RAD21: variants seen among roughly 807,000 people sequenced by gnomAD.
RAD21 encodes double-strand-break repair protein rad21 homolog.
Under a neutral mutation model 71.5 loss-of-function variants are expected in RAD21, and 18 were observed. The ratio of observed to expected loss-of-function variants is 0.25; its 90% CI spans 0.17 to 0.37. The LOEUF is 0.37. RAD21 is among the 10% of genes least tolerant of loss of function. RAD21 has a pLI of 1.00. For missense variants in RAD21, 493 were observed against 769.1 expected (o/e 0.64, Z 4.25); for synonymous variants, 248 against 254.0 (o/e 0.98, Z 0.22).
chr8:116,870,840 T>G (rs545605933), intron 1 of RAD21, among the ~76,000 whole-genome samples: 1 of 152,364 alleles, frequency 6.6e-6, no homozygotes, highest in South Asian at 2.1e-4. Flanking sequence ...AATTGGCATA[T>G]GTAAAAAATT....
chr8:116,867,644 T>C lies in RAD21; in HGVS notation c.-32-883A>G, dbSNP rs16889062. ...AATTTCCAGATTTAAAACAAATCTA[T>C]TGTTCTGATTTTTTTCTAAAATGTC... On this transcript the variant is annotated intron_variant, in intron 1 of 13. Transcript: ENST00000297338. 5.1e-4 allele frequency among the ~76,000 whole-genome samples: 77 copies of C among 152,350 alleles called. No homozygotes were observed. The East Asian group carries it at 0.01, about 21-fold the overall frequency.
intron 1 of RAD21, among the ~76,000 whole-genome samples, chr8:116,868,153 C>T (rs1403373972): frequency 2.6e-5 from 4 of 152,186 alleles, no homozygotes; most frequent in South Asian, 4.1e-4. Flanking sequence ...AGCAATCCTC[C>T]TCCCTCAGCC....
chr8:116,861,884 G>T lies in RAD21; in HGVS notation c.331C>A (p.Pro111Thr). 6.2e-7 allele frequency: 1 copy of T among 1,611,690 alleles called. No homozygotes were observed. The highest frequency in any genetic ancestry group is 8.5e-7 in the Non-Finnish European group (1 of 1,178,354). Residue 111 changes from proline (P) to threonine (T), a missense_variant, in exon 4 of 14, where the codon CCT (proline) becomes ACT (threonine). Coordinates refer to ENST00000297338, the MANE Select transcript of RAD21 (RefSeq NM_006265.3). The stretch of plus-strand genomic sequence containing the variant: ...TGATCAAAGTCATGAAATTCTTCAG[G>T]TAAAGTAATGGCATTATAAGCTGCT... ...REAAYNAITL[P>T]EEFHDFDQPL...
At chr8:116,871,013 G>A (rs532952993) in intron 1 of RAD21, among the ~76,000 whole-genome samples, 1 of 152,292 alleles carries the variant, frequency 6.6e-6, no homozygotes, top group East Asian at 1.9e-4. Context: ...ATGGGGCTAA[G>A]GAAGGCAGAG....
intron 10 of RAD21, 155 bp from the exon 11 acceptor site, chr8:116,852,251 A>G: frequency 1.3e-6 from 1 of 751,092 alleles, no homozygotes. Flanking sequence ...AGATTTACTC[A>G]ATTTTTAGCA....
intron 1 of RAD21, among the ~76,000 whole-genome samples, chr8:116,873,236 C>G (rs191663148): frequency 1.6e-4 from 24 of 151,868 alleles, no homozygotes; most frequent in Non-Finnish European, 3.1e-4. Flanking sequence ...AAATAATTCA[C>G]CAGAAATTCT....
Position 116,854,338 on chromosome 8 carries a change from G to A in RAD21, c.1068C>T (p.Pro356=), listed in dbSNP as rs1348606480. 6.2e-7 allele frequency: 1 copy of A among 1,613,690 alleles called. No homozygotes were observed. The highest frequency in any genetic ancestry group is 1.3e-5 in the African/African-American group (1 of 74,840). ...DIVTTLDLAP[P]TKKLMMWKET... ...CTTTCCACATCATCAATTTCTTGGT[G>A]GGCGGTGCCAGATCCAAAGTAGTAA... is the stretch of plus-strand genomic sequence containing the variant. Residue 356 remains proline (P), a synonymous_variant, in exon 9 of 14, where the codon CCC becomes CCT. Transcript: ENST00000297338.
At chr8:116,852,218 C>A in intron 10 of RAD21, 122 bp from the exon 11 acceptor site, 2 of 975,794 alleles carry the variant, frequency 2.0e-6, no homozygotes, top group South Asian at 2.2e-5. Flanking sequence ...TGAAGAAGGC[C>A]AGATAAAATT....
At position 116,845,975 on chromosome 8, in the gene RAD21, A is replaced by T. The variant is rs890396375; in HGVS notation, c.*1525T>A. 4.4e-6 allele frequency: 1 copy of T among 228,298 alleles called. No homozygotes were observed. The highest frequency in any genetic ancestry group is 8.7e-6 in the Non-Finnish European group (1 of 114,888). The allele number at this position is 228,298 out of a possible 1,614,324, so 14.1% of individuals were successfully genotyped here. A position where few individuals can be genotyped will look rare whatever the true frequency, so the allele number is the denominator to read the frequency against. On this transcript the variant is annotated 3_prime_UTR_variant, in exon 14 of 14. Transcript: ENST00000297338. ...ACTTTTATTAGAAAAGTTATACATA[A>T]CATAGCATCAACTATTTTCAAGAAC...
At chr8:116,873,338 G>A (rs1030984403) in intron 1 of RAD21, among the ~76,000 whole-genome samples, 1 of 152,128 alleles carries the variant, frequency 6.6e-6, no homozygotes, top group Non-Finnish European at 1.5e-5. Flanking sequence ...TAACTTATTT[G>A]AAGATCAGAT....
intron 1 of RAD21, among the ~76,000 whole-genome samples, chr8:116,873,427 C>G (rs1390584497): frequency 1.3e-5 from 2 of 152,170 alleles, no homozygotes; most frequent in Admixed American, 1.3e-4. Context: ...AATGACTTCA[C>G]GATTTGAGAA....
chr8:116,860,620 C>T (rs1300876432), intron 4 of RAD21, among the ~76,000 whole-genome samples: 1 of 151,760 alleles, frequency 6.6e-6, no homozygotes. Flanking sequence ...AAGCTCACTG[C>T]TTTTTTAAAC....
intron 10 of RAD21, 114 bp from the exon 11 acceptor site, chr8:116,852,210 A>T: frequency 4.9e-6 from 5 of 1,017,718 alleles, no homozygotes; most frequent in Non-Finnish European, 6.8e-6. Context: ...TTCTTTAATG[A>T]AGAAGGCCAG....
intron 1 of RAD21, among the ~76,000 whole-genome samples, chr8:116,870,321 G>T (rs1812792150): frequency 6.6e-6 from 1 of 152,098 alleles, no homozygotes; most frequent in Non-Finnish European, 1.5e-5. Flanking sequence ...GAGGGCAGGA[G>T]TTCCAGACCA....
chr8:116,863,717 C>G (rs192624492), intron 2 of RAD21, among the ~76,000 whole-genome samples: 1 of 152,010 alleles, frequency 6.6e-6, no homozygotes, highest in South Asian at 2.1e-4. Flanking sequence ...ATTTCCCCCC[C>G]AAAAGAACAA....
At chr8:116,862,951 G>C (rs1217496085) in intron 3 of RAD21, among the ~76,000 whole-genome samples, 179 bp downstream of exon 3, 2 of 152,064 alleles carry the variant, frequency 1.3e-5, no homozygotes, top group Non-Finnish European at 2.9e-5. Flanking sequence ...GACGCAAGTA[G>C]GTTTCCTCCC....
At chr8:116,851,721 TA>T in intron 11 of RAD21, 1 of 405,394 alleles carries the variant, frequency 2.5e-6, no homozygotes, top group Non-Finnish European at 4.4e-6. Flanking sequence ...TGGAGCACTC[TA>T]AAGCAATACT....
chr8:116,855,097 CCT>C (rs1192827360), intron 8 of RAD21, among the ~76,000 whole-genome samples: 7 of 151,964 alleles, frequency 4.6e-5, no homozygotes, highest in Non-Finnish European at 8.8e-5. Context: ...AAGATTTCAC[CCT>C]GTCAGACATA....
rs943600679 is a variant in RAD21 at position 116,874,740 on chromosome 8, C to T, written c.-162G>A. On this transcript the variant is annotated 5_prime_UTR_variant, in exon 1 of 14. Coordinates refer to ENST00000297338, the MANE Select transcript of RAD21 (RefSeq NM_006265.3). The stretch of plus-strand genomic sequence containing the variant: ...GAGCAGCTCCCGCCGCCGCCACAGC[C>T]GGCGCCTCCTTTCCGATTCACTCAA... 1 of 454,456 alleles carries T rather than the reference C, an allele frequency of 2.2e-6. No homozygotes were observed. The highest frequency in any genetic ancestry group is 4.4e-6 in the Non-Finnish European group (1 of 225,702). The allele number at this position is 454,456 out of a possible 1,614,324, so 28.2% of individuals were successfully genotyped here. A position where few individuals can be genotyped will look rare whatever the true frequency, so the allele number is the denominator to read the frequency against.
Sources: allele counts gnomAD v4.1 joint callset (sites outside exome capture counted in the v4.1 genomes callset), GRCh38; gene constraint gnomAD v4.1.1; transcripts MANE v1.5; gene names NCBI Gene and HGNC (gene_info 2026-07-23, HGNC 2026-07-21).